PTPRD: variants seen among roughly 807,000 people sequenced by gnomAD.
The protein encoded by PTPRD is receptor-type tyrosine-protein phosphatase delta.
PTPRD carries 34 observed loss-of-function variants against 214.5 expected under a neutral mutation model. That is an observed-to-expected ratio of 0.16 (90% CI 0.12 to 0.21). PTPRD has a LOEUF of 0.21. Ranked by LOEUF, PTPRD falls within the 10% of genes least tolerant of loss-of-function variation. The pLI, the probability that PTPRD is intolerant of heterozygous loss-of-function variation, is 1.00. For missense variants in PTPRD, 2,545 were observed against 2,398.7 expected, an observed-to-expected ratio of 1.06 and a Z score of -1.27; for synonymous variants, 1,128 against 845.7, an observed-to-expected ratio of 1.33 and a Z score of -5.79.
chr9:8,954,455 T>G (rs2099120642), intron 11 of PTPRD, among the ~76,000 whole-genome samples: 1 of 151,730 alleles, frequency 6.6e-6, no homozygotes, highest in Non-Finnish European at 1.5e-5. Context: ...AAAATATACC[T>G]TTGTAACAAA....
chr9:8,798,745 A>C (rs546321517), intron 11 of PTPRD, among the ~76,000 whole-genome samples: 3 of 152,300 alleles, frequency 2.0e-5, no homozygotes, highest in Admixed American at 6.5e-5. Flanking sequence ...AAATGCATTT[A>C]ATCTGCAATA....
intron 4 of PTPRD, among the ~76,000 whole-genome samples, chr9:9,961,615 T>C (rs939037809): frequency 4.6e-5 from 7 of 152,118 alleles, no homozygotes; most frequent in Non-Finnish European, 1.0e-4. Context: ...AGTGATTACT[T>C]GACTGCCAGC....
chr9:9,004,468 C>T (rs1323651097), intron 11 of PTPRD, among the ~76,000 whole-genome samples: 1 of 151,858 alleles, frequency 6.6e-6, no homozygotes, highest in Non-Finnish European at 1.5e-5. Flanking sequence ...TGGCACATAA[C>T]ACTCTGTGGC....
rs200050636 is a variant in PTPRD, at chr9:8,663,385, T to TA, written c.65-26542dup. Among the ~76,000 whole-genome samples, 370 of 146,498 alleles carry TA rather than the reference T, an allele frequency of 2.5e-3. 3 individuals carry two copies. The highest frequency in any genetic ancestry group is 0.02 in the East Asian group (104 of 5,118). ...TTGGTTAACTTTTTATTTACCAAAC[T>TA]AAAAAAAAAAATATCACTGTCACTG... On this transcript the variant is annotated intron_variant, in intron 12 of 45. Transcript: ENST00000381196.
chr9:9,453,222 C>G (rs968251829), intron 8 of PTPRD, among the ~76,000 whole-genome samples: 2 of 151,454 alleles, frequency 1.3e-5, no homozygotes, highest in African/African-American at 4.8e-5. Context: ...AATTAAACAT[C>G]TTTACAAGCC....
intron 3 of PTPRD, among the ~76,000 whole-genome samples, chr9:10,109,615 T>C (rs1001794930): frequency 6.6e-6 from 1 of 152,192 alleles, no homozygotes; most frequent in African/African-American, 2.4e-5. Flanking sequence ...TACCTAACTA[T>C]TATTATGTTC....
chr9:9,344,526 C>G (rs1042628270), intron 9 of PTPRD, among the ~76,000 whole-genome samples: 4 of 151,756 alleles, frequency 2.6e-5, no homozygotes, highest in African/African-American at 9.7e-5. Flanking sequence ...AGAAAGCTAA[C>G]TCATCTTTTT....
intron 5 of PTPRD, among the ~76,000 whole-genome samples, chr9:9,894,871 G>A (rs748886238): frequency 2.6e-5 from 4 of 151,826 alleles, no homozygotes; most frequent in Admixed American, 6.6e-5. Flanking sequence ...TTTTTGAGAT[G>A]TTTCTCTGAT....
chr9:10,231,671 G>A (rs2099610407), intron 3 of PTPRD, among the ~76,000 whole-genome samples: 1 of 151,926 alleles, frequency 6.6e-6, no homozygotes, highest in Non-Finnish European at 1.5e-5. Flanking sequence ...ATAAATGCTT[G>A]TTGAATGAGT....
chr9:8,464,694 C>T (rs1045697578), intron 32 of PTPRD, among the ~76,000 whole-genome samples: 5 of 143,002 alleles, frequency 3.5e-5, no homozygotes, highest in South Asian at 2.3e-4. Flanking sequence ...TCACCCCCTG[C>T]CTATCTACAA....
intron 8 of PTPRD, among the ~76,000 whole-genome samples, chr9:9,430,569 G>C (rs375745800): frequency 1.3e-5 from 2 of 152,104 alleles, no homozygotes; most frequent in African/African-American, 4.8e-5. Context: ...AGTTCATATG[G>C]AACAAAAAAG....
chr9:8,460,397 T>C lies in PTPRD; in HGVS notation c.3875+14A>G, dbSNP rs768748174. On this transcript the variant is annotated intron_variant, in intron 33 of 45. Transcript: ENST00000381196. The stretch of plus-strand genomic sequence containing the variant: ...AGCCTCCAAAATTACAACAGAAATA[T>C]TGGGCAAACCTACCTTTTATAAAGA... The C allele has an allele frequency of 5.0e-6, 8 of 1,609,820 alleles. No homozygotes were observed. Among genetic ancestry groups the C allele is most frequent in the African/African-American group, 2.7e-5 (2 of 74,592 alleles).
intron 2 of PTPRD, among the ~76,000 whole-genome samples, chr9:10,542,966 G>A (rs1023352773): frequency 6.6e-6 from 1 of 152,084 alleles, no homozygotes; most frequent in Non-Finnish European, 1.5e-5. Flanking sequence ...GGTCGCACTG[G>A]TCTTGAACTC....
chr9:10,583,654 A>T (rs1250087032), intron 2 of PTPRD, among the ~76,000 whole-genome samples: 1 of 151,410 alleles, frequency 6.6e-6, no homozygotes, highest in Admixed American at 6.6e-5. Flanking sequence ...AATTTTTTGT[A>T]TTTTTAGTAG....
chr9:8,877,544 T>A (rs1298230665), intron 11 of PTPRD, among the ~76,000 whole-genome samples: 1 of 152,178 alleles, frequency 6.6e-6, no homozygotes, highest in East Asian at 1.9e-4. Flanking sequence ...ATCTTTTTGT[T>A]ATTTTGGTCT....
intron 10 of PTPRD, among the ~76,000 whole-genome samples, chr9:9,077,640 A>G (rs2099753202): frequency 1.3e-5 from 2 of 152,082 alleles, no homozygotes; most frequent in South Asian, 2.1e-4. Context: ...CTAAATGTGT[A>G]TACTTATAGC....
intron 2 of PTPRD, among the ~76,000 whole-genome samples, chr9:10,499,580 C>T (rs1482253953): frequency 6.6e-6 from 1 of 151,822 alleles, no homozygotes; most frequent in East Asian, 1.9e-4. Context: ...TTAATCAAAT[C>T]CTATATGGCT....
intron 44 of PTPRD, among the ~76,000 whole-genome samples, 161 bp downstream of exon 44, chr9:8,331,415 ACTTATT>A (rs1202480896): frequency 0.12 from 7,420 of 60,922 alleles, 576 homozygotes; most frequent in African/African-American, 0.5. Flanking sequence ...GATTATTTTC[ACTTATT>A]TTCACTTTAT....
chr9:8,364,117 T>A (rs562612456), intron 39 of PTPRD, among the ~76,000 whole-genome samples: 1 of 152,302 alleles, frequency 6.6e-6, no homozygotes, highest in East Asian at 1.9e-4. Context: ...GAAAGAAATA[T>A]AAATGATTCC....
Sources: allele counts gnomAD v4.1 joint callset (sites outside exome capture counted in the v4.1 genomes callset), GRCh38; gene constraint gnomAD v4.1.1; transcripts MANE v1.5; gene names NCBI Gene and HGNC (gene_info 2026-07-23, HGNC 2026-07-21).